The following NSMCE1 variants were observed in gnomAD, a reference collection of about 807,000 sequenced individuals.
NSMCE1 encodes non-structural maintenance of chromosomes element 1 homolog.
Under a neutral mutation model 29.6 loss-of-function variants are expected in NSMCE1, and 18 were observed. The ratio of observed to expected loss-of-function variants is 0.61; its 90% CI spans 0.42 to 0.90. NSMCE1 has a LOEUF of 0.90. NSMCE1 is among the 40% of genes least tolerant of loss of function. The pLI, the probability that NSMCE1 is intolerant of heterozygous loss-of-function variation, is 0.00. For synonymous variants in NSMCE1, 124 were observed against 133.4 expected (o/e 0.93, Z 0.49); for missense variants, 314 against 343.6 (o/e 0.91, Z 0.68).
chr16:27,246,906 C>T (rs1029964875), intron 2 of NSMCE1, among the ~76,000 whole-genome samples: 2 of 151,952 alleles, frequency 1.3e-5, no homozygotes, highest in African/African-American at 2.4e-5. Flanking sequence ...ACACCGTAGC[C>T]GACCTGGTAG....
rs201091849 is a variant in NSMCE1 at position 27,235,289 on chromosome 16, G to C, written c.147C>G (p.Thr49=). 28 of 1,613,246 alleles carry C rather than the reference G, an allele frequency of 1.7e-5. No homozygotes were observed. Among genetic ancestry groups the C allele is most frequent in the Non-Finnish European group, 2.1e-5 (25 of 1,179,860 alleles). ...HCYKVHDRNA[T]VDKLEDFINN... ...TGATGAAGTCCTCCAACTTATCTACGGTGGCATTGCCTGGAAATAAACAGA... is the reference window on the plus strand; with the variant it reads ...TGATGAAGTCCTCCAACTTATCTACCGTGGCATTGCCTGGAAATAAACAGA... The change falls in exon 3 of 8, where the codon ACC becomes ACG. Residue 49 remains threonine, a synonymous_variant. Coordinates refer to ENST00000361439, the MANE Select transcript of NSMCE1 (RefSeq NM_145080.4).
rs140792289 is a variant in NSMCE1 at position 27,232,998 on chromosome 16, T to C, written c.483+3A>G. 1.2e-4 allele frequency: 189 copies of C among 1,613,446 alleles called. 3 individuals carry two copies. In the East Asian group the frequency reaches 4.1e-3, roughly 35 times the overall value. ...CCAGGCTGGAAAAACCATGAGACAG[T>C]ACCTCAATCAGCCACTTGTTTTGAA... On this transcript the variant is annotated splice_donor_region_variant and intron_variant, in intron 5 of 7. Coordinates refer to ENST00000361439, the MANE Select transcript of NSMCE1 (RefSeq NM_145080.4). This position sits in a 1 kb window ranked among gnomAD's most constrained non-coding sequence, Gnocchi z 4.5.
chr16:27,226,580 G>A (rs2083695441), intron 6 of NSMCE1, 140 bp downstream of exon 6: 3 of 612,292 alleles, frequency 4.9e-6, no homozygotes, highest in Non-Finnish European at 8.7e-6. Flanking sequence ...CTGGGAGATG[G>A]CCTCCGCCAG....
In NSMCE1 at chr16:27,254,918, C is replaced by T. The variant is rs998652183; in HGVS notation, c.136+2517G>A. 5.1e-5 allele frequency among the ~76,000 whole-genome samples: 6 copies of T among 118,764 alleles called. No homozygotes were observed. The Admixed American group carries it at 6.6e-4, about 13-fold the overall frequency. The allele number at this position is 118,764 out of a possible 152,430, so 77.9% of individuals were successfully genotyped here. A position where few individuals can be genotyped will look rare whatever the true frequency, so the allele number is the denominator to read the frequency against. ...TTTTTGATACATGGTCTCGCTCTGT[C>T]GCCCAAGCTGGAGTGCAGGGGCAGG... On this transcript the variant is annotated intron_variant, in intron 2 of 7. Coordinates refer to ENST00000361439, the MANE Select transcript of NSMCE1 (RefSeq NM_145080.4).
intron 1 of NSMCE1, among the ~76,000 whole-genome samples, chr16:27,258,891 C>T (rs2084120041): frequency 6.6e-6 from 1 of 151,966 alleles, no homozygotes; most frequent in Non-Finnish European, 1.5e-5. Flanking sequence ...GCTGGAACTA[C>T]AGGCGCCCAC....
At chr16:27,264,270 T>C (rs745944542) in intron 1 of NSMCE1, among the ~76,000 whole-genome samples, 8 of 152,258 alleles carry the variant, frequency 5.3e-5, no homozygotes, top group Non-Finnish European at 5.9e-5. Context: ...GTACTCATGA[T>C]ACTGAGGTGG....
chr16:27,225,678 C>G (rs748443382), intron 7 of NSMCE1, 48 bp downstream of exon 7: 2 of 1,609,350 alleles, frequency 1.2e-6, no homozygotes, highest in African/African-American at 1.3e-5. Context: ...CCAGGCCCCA[C>G]GTCCTGCTGG....
At chr16:27,228,572 C>G in intron 5 of NSMCE1, among the ~76,000 whole-genome samples, 1 of 118,008 alleles carries the variant, frequency 8.5e-6, no homozygotes, top group Middle Eastern at 5.3e-3. Context: ...AGATCCATCA[C>G]AGCACCCCAC....
chr16:27,263,582 T>C (rs2084186375), intron 1 of NSMCE1, among the ~76,000 whole-genome samples: 1 of 152,170 alleles, frequency 6.6e-6, no homozygotes, highest in Admixed American at 6.5e-5. Context: ...GCAGAAAATA[T>C]AACTATCGGG....
At chr16:27,245,605 C>A (rs1054463277) in intron 2 of NSMCE1, among the ~76,000 whole-genome samples, 3 of 152,232 alleles carry the variant, frequency 2.0e-5, no homozygotes, top group Non-Finnish European at 2.9e-5. Flanking sequence ...AAAGCAACAT[C>A]AATTTCCTTG....
chr16:27,262,393 G>A (rs2084168947), intron 1 of NSMCE1, among the ~76,000 whole-genome samples: 1 of 152,040 alleles, frequency 6.6e-6, no homozygotes, highest in Admixed American at 6.5e-5. Context: ...TACAGAAACA[G>A]GCACATACAC....
intron 2 of NSMCE1, among the ~76,000 whole-genome samples, chr16:27,243,552 A>G (rs936528129): frequency 3.9e-5 from 6 of 152,210 alleles, no homozygotes; most frequent in African/African-American, 1.4e-4. Context: ...GCAGGAAGCC[A>G]GGCCAGTCCC....
intron 2 of NSMCE1, among the ~76,000 whole-genome samples, chr16:27,250,245 TTTTG>T (rs546912287): frequency 4.6e-4 from 70 of 152,300 alleles, no homozygotes; most frequent in Non-Finnish European, 7.5e-4. Flanking sequence ...TCCAGCTACC[TTTTG>T]TTTCTTTTTC....
Position 27,251,193 on chromosome 16 carries a change from TATATATATATATATAA to T in NSMCE1, c.136+6226_136+6241del, listed in dbSNP as rs1567281310. On this transcript the variant is annotated intron_variant, in intron 2 of 7. Transcript: ENST00000361439. ...ATATATATATATATATATATATAAA[TATATATATATATATAA>T]AACTCTGTAGAGTTCAGACTCCTCA... 1.4e-3 allele frequency among the ~76,000 whole-genome samples: 106 copies of T among 76,086 alleles called. 1 individual carries two copies. The highest frequency in any genetic ancestry group is 7.3e-3 in the African/African-American group (100 of 13,760). 49.9% of individuals were successfully genotyped at this position (76,086 alleles called of 152,430 possible).
chr16:27,245,830 T>G (rs2083950696), intron 2 of NSMCE1, among the ~76,000 whole-genome samples: 1 of 152,202 alleles, frequency 6.6e-6, no homozygotes, highest in Non-Finnish European at 1.5e-5. Context: ...GATTAACTGT[T>G]CATCATTGCC....
chr16:27,234,197 A>T lies in NSMCE1; in HGVS notation c.327T>A (p.Phe109Leu). Residue 109 changes from phenylalanine to leucine, a missense_variant, in exon 4 of 8, where the codon TTT becomes TTA. Physicochemically the swap from Phe to Leu is conservative, Grantham distance 22. Transcript: ENST00000361439. ...TDFAENELDL[F>L]RKALELIIDS... The stretch of plus-strand genomic sequence containing the variant: ...GGATTACTCTACTTACAGCCTTTCT[A>T]AACAAATCCAGTTCATTCTCTGCAA... 2 of 1,610,760 alleles carry T rather than the reference A, an allele frequency of 1.2e-6. No individual in the cohort carries two copies. Among genetic ancestry groups the T allele is most frequent in the Non-Finnish European group, 1.7e-6 (2 of 1,176,856 alleles).
chr16:27,248,187 G>C (rs1232333550), intron 2 of NSMCE1, among the ~76,000 whole-genome samples: 1 of 152,126 alleles, frequency 6.6e-6, no homozygotes, highest in Non-Finnish European at 1.5e-5. Context: ...CGGGCATATA[G>C]CTTCATATCT....
intron 7 of NSMCE1, 113 bp from the exon 8 acceptor site, chr16:27,225,349 A>G: frequency 1.4e-6 from 1 of 694,238 alleles, no homozygotes; most frequent in Non-Finnish European, 2.6e-6. Flanking sequence ...CTAGGTCTAC[A>G]CCATCCTTCA....
At chr16:27,252,006 T>C (rs189810704) in intron 2 of NSMCE1, among the ~76,000 whole-genome samples, 4 of 152,332 alleles carry the variant, frequency 2.6e-5, no homozygotes, top group Admixed American at 2.0e-4. Context: ...CCCTGTGCCA[T>C]GGCCTAGAAA....
Sources: gnomAD v4.1 joint callset for allele counts (sites outside exome capture counted in the v4.1 genomes callset) on GRCh38, gnomAD v4.1.1 for gene constraint, Gnocchi (gnomAD v3.1) non-coding constraint, MANE v1.5 for transcripts, NCBI Gene and HGNC (gene_info 2026-07-23, HGNC 2026-07-21) for gene names.